DPP6: variants seen among roughly 807,000 people sequenced by gnomAD.
The protein encoded by DPP6 is dipeptidyl peptidase like 6.
Under a neutral mutation model 122.6 loss-of-function variants are expected in DPP6, and 69 were observed. That is an observed-to-expected ratio of 0.56 (90% CI 0.46 to 0.69). The LOEUF is 0.69. Among genes scored for constraint, DPP6 ranks in the 30% least tolerant of loss-of-function variants. The probability of loss-of-function intolerance (pLI) is 0.00; values close to 1 mark genes in which losing one functional copy is unlikely to be tolerated. For missense variants in DPP6, 928 were observed against 1,116.9 expected, an observed-to-expected ratio of 0.83 and a Z score of 2.41; for synonymous variants, 418 against 433.1, an observed-to-expected ratio of 0.97 and a Z score of 0.43.
chr7:153,949,186 G>A (rs1802089724), intron 1 of DPP6, among the ~76,000 whole-genome samples: 1 of 152,216 alleles, frequency 6.6e-6, no homozygotes, highest in South Asian at 2.1e-4. Context: ...TGCCCACACT[G>A]ATGGATGTCT....
At chr7:153,986,791 C>A (rs1796868661) in intron 1 of DPP6, among the ~76,000 whole-genome samples, 1 of 151,254 alleles carries the variant, frequency 6.6e-6, no homozygotes. Context: ...TGAGGAAAAC[C>A]AGGCAAGTGA....
At chr7:154,059,731 G>C (rs1801400079) in intron 1 of DPP6, among the ~76,000 whole-genome samples, 2 of 151,200 alleles carry the variant, frequency 1.3e-5, no homozygotes, top group African/African-American at 4.9e-5. Context: ...ATCTGACAAA[G>C]CCTTTTCCAT....
At chr7:154,270,089 A>G (rs10244110) in intron 1 of DPP6, among the ~76,000 whole-genome samples, 99,542 of 152,042 alleles carry the variant, frequency 0.65, 33,425 homozygotes, top group African/African-American at 0.8. Flanking sequence ...TCATTTTCCC[A>G]TCGAGTTAAA....
intron 1 of DPP6, among the ~76,000 whole-genome samples, chr7:153,957,868 G>C (rs1401850930): frequency 6.6e-6 from 1 of 152,136 alleles, no homozygotes; most frequent in Non-Finnish European, 1.5e-5. Context: ...TAGACTAGCT[G>C]CCCTAGAAAA....
chr7:154,277,646 T>A (rs1021867712), intron 1 of DPP6, among the ~76,000 whole-genome samples: 1 of 152,096 alleles, frequency 6.6e-6, no homozygotes, highest in Non-Finnish European at 1.5e-5. Context: ...ATGCCTGCAA[T>A]CCCAGCTACT....
rs752634077 is a variant in DPP6 at position 154,727,803 on chromosome 7, C to T, written c.799C>T (p.His267Tyr). 23 of 1,613,742 alleles carry T rather than the reference C, an allele frequency of 1.4e-5. No homozygotes were observed. The highest frequency in any genetic ancestry group is 4.0e-5 in the African/African-American group (3 of 74,894). ...IFENNIYYCA[H>Y]VGKQAIRVVS... ...TGAAAACAATATCTACTACTGTGCA[C>T]ATGTCGGGAAACAGGCCATCCGTGT... The change falls in exon 8 of 26, where the codon CAT becomes TAT. Residue 267 changes from histidine to tyrosine, a missense_variant. His to Tyr is a moderately conservative substitution (Grantham distance 83). Transcript: ENST00000377770.
chr7:153,970,655 G>A (rs775339673), intron 1 of DPP6, among the ~76,000 whole-genome samples: 3 of 152,144 alleles, frequency 2.0e-5, no homozygotes, highest in African/African-American at 4.8e-5. Flanking sequence ...TACAGTTCAT[G>A]TTAAATTTTG....
Position 154,620,108 on chromosome 7 carries a change from C to T in DPP6, c.628-17713C>T, listed in dbSNP as rs556113455. ...TGAGGACCACGCCTTGAAAGCTCTG[C>T]ACAGACCCCAGCTCCTCTAGAGGAC... On this transcript the variant is annotated intron_variant, in intron 5 of 25. Coordinates refer to ENST00000377770, the MANE Select transcript of DPP6 (RefSeq NM_130797.4). Among the ~76,000 whole-genome samples, 8 of 152,334 alleles carry T rather than the reference C, an allele frequency of 5.3e-5. No individual in the cohort carries two copies. The South Asian group carries it at 1.7e-3, about 32-fold the overall frequency.
At chr7:154,661,056 A>G (rs1300650042) in intron 6 of DPP6, among the ~76,000 whole-genome samples, 1 of 27,522 alleles carries the variant, frequency 3.6e-5, no homozygotes, top group Non-Finnish European at 6.8e-5. Context: ...ACCATGGCGT[A>G]TTGGCCGTAG....
At chr7:154,214,937 G>A (rs1426205742) in intron 1 of DPP6, among the ~76,000 whole-genome samples, 5 of 151,954 alleles carry the variant, frequency 3.3e-5, no homozygotes, top group African/African-American at 1.2e-4. Flanking sequence ...TATGTGTCTT[G>A]CAGTGTTGTT....
At chr7:154,079,278 T>C (rs1563177055) in intron 1 of DPP6, among the ~76,000 whole-genome samples, 1 of 152,202 alleles carries the variant, frequency 6.6e-6, no homozygotes. Flanking sequence ...TGAGGGTAGA[T>C]GCCCTTAGAC....
At chr7:154,005,432 C>A (rs1050758620) in intron 1 of DPP6, among the ~76,000 whole-genome samples, 2 of 151,590 alleles carry the variant, frequency 1.3e-5, no homozygotes, top group South Asian at 2.1e-4. Context: ...GTGGTCAGAC[C>A]CCGGGATTTG....
intron 1 of DPP6, among the ~76,000 whole-genome samples, chr7:154,211,435 C>T (rs1563322652): frequency 6.6e-6 from 1 of 152,178 alleles, no homozygotes; most frequent in Non-Finnish European, 1.5e-5. Context: ...ATGTTTCTTC[C>T]CGACCCCTTC....
At chr7:154,795,004 G>A (rs1797953393) in intron 11 of DPP6, among the ~76,000 whole-genome samples, 1 of 152,130 alleles carries the variant, frequency 6.6e-6, no homozygotes, top group Admixed American at 6.5e-5. Flanking sequence ...GAGATCCTAA[G>A]CACAGTGATT....
intron 1 of DPP6, among the ~76,000 whole-genome samples, chr7:153,959,397 C>T (rs1243578791): frequency 1.3e-5 from 2 of 152,122 alleles, no homozygotes; most frequent in Non-Finnish European, 2.9e-5. Flanking sequence ...ACTAGGAGTC[C>T]CCTAATTGCA....
intron 3 of DPP6, among the ~76,000 whole-genome samples, chr7:154,539,309 T>A (rs1828518483): frequency 6.6e-6 from 1 of 152,230 alleles, no homozygotes; most frequent in Non-Finnish European, 1.5e-5. Context: ...TATCTCTGAT[T>A]TTAATTTGCA....
At chr7:153,892,102 G>A (rs978651507) in intron 1 of DPP6, among the ~76,000 whole-genome samples, 1 of 152,160 alleles carries the variant, frequency 6.6e-6, no homozygotes, top group Non-Finnish European at 1.5e-5. Context: ...CAGAACTATT[G>A]TCTTCTCTTT....
chr7:154,472,004 A>G (rs2151340121), intron 2 of DPP6, among the ~76,000 whole-genome samples: 1 of 152,322 alleles, frequency 6.6e-6, no homozygotes, highest in African/African-American at 2.4e-5. Context: ...AAATACTCCC[A>G]AAGTCAAAAA....
intron 1 of DPP6, among the ~76,000 whole-genome samples, chr7:154,324,044 C>T (rs1264157570): frequency 6.6e-6 from 1 of 152,130 alleles, no homozygotes; most frequent in Non-Finnish European, 1.5e-5. Flanking sequence ...AACACTGAGT[C>T]CCATGAAACA....
Sources: allele counts gnomAD v4.1 joint callset (sites outside exome capture counted in the v4.1 genomes callset), GRCh38; gene constraint gnomAD v4.1.1; transcripts MANE v1.5; gene names NCBI Gene and HGNC (gene_info 2026-07-23, HGNC 2026-07-21).